Variants in EXD1 observed in about 807,000 individuals in gnomAD.
The protein encoded by EXD1 is exonuclease 3'-5' domain containing 1.
Under a neutral mutation model 49.1 loss-of-function variants are expected in EXD1, and 63 were observed. That is an observed-to-expected ratio of 1.28 (90% CI 1.05 to 1.58). The LOEUF is 1.58. Ranked by LOEUF, EXD1 falls within the 40% of genes most tolerant of loss-of-function variation. EXD1 has a pLI of 0.00. For missense variants in EXD1, 748 were observed against 666.0 expected, an observed-to-expected ratio of 1.12 and a Z score of -1.36; for synonymous variants, 234 against 239.2, an observed-to-expected ratio of 0.98 and a Z score of 0.20.
rs2046989700 is a variant in EXD1, at chr15:41,215,715, A to G, written c.447+60T>C. The G allele has an allele frequency of 2.0e-6, 3 of 1,497,708 alleles. No individual in the cohort carries two copies. The East Asian group carries it at 6.8e-5, about 34-fold the overall frequency. The allele number at this position is 1,497,708 out of a possible 1,614,324, so 92.8% of individuals were successfully genotyped here. ...AAAAAAAGAAAGAAAGAAATTTATG[A>G]CACACAGACATGATACCTACATACA... On this transcript the variant is annotated intron_variant, in intron 6 of 11. Transcript: ENST00000458580.
chr15:41,202,248 C>G (rs1428809220), intron 7 of EXD1, among the ~76,000 whole-genome samples: 1 of 151,842 alleles, frequency 6.6e-6, no homozygotes, highest in Non-Finnish European at 1.5e-5. Flanking sequence ...GATCTCGGCT[C>G]ACTGCAGCCT....
At chr15:41,191,948 C>A in intron 9 of EXD1, 1 of 181,724 alleles carries the variant, frequency 5.5e-6, no homozygotes, top group East Asian at 1.5e-4. Flanking sequence ...GGCTAATTTT[C>A]AACTTTTTTT....
intron 2 of EXD1, among the ~76,000 whole-genome samples, chr15:41,220,195 A>G (rs1415458294): frequency 6.6e-6 from 1 of 152,092 alleles, no homozygotes. Flanking sequence ...CTTTGGGGTT[A>G]AGAACTATCT....
At chr15:41,184,935 C>T (rs551482) in intron 11 of EXD1, among the ~76,000 whole-genome samples, 73,812 of 151,924 alleles carry the variant, frequency 0.49, 19,854 homozygotes, top group East Asian at 0.69. Context: ...GGATTACAGT[C>T]GTGAGCCATA....
chr15:41,209,971 G>A (rs558555531), intron 6 of EXD1, among the ~76,000 whole-genome samples: 19 of 152,080 alleles, frequency 1.2e-4, no homozygotes, highest in Non-Finnish European at 2.4e-4. Flanking sequence ...GCAATGGCAC[G>A]ATCTTGACTT....
chr15:41,195,736 G>T (rs28382348), intron 9 of EXD1, 39 bp downstream of exon 9: 3 of 1,557,872 alleles, frequency 1.9e-6, no homozygotes, highest in Non-Finnish European at 2.6e-6. Context: ...TACAGGAGCT[G>T]TATATACTGG....
At chr15:41,192,629 TTTTG>T (rs1401381870) in intron 9 of EXD1, among the ~76,000 whole-genome samples, 7 of 98,362 alleles carry the variant, frequency 7.1e-5, no homozygotes, top group East Asian at 7.9e-4. Flanking sequence ...TTTTTTTTTT[TTTTG>T]AGATAGGGTC....
chr15:41,206,088 GC>G (rs891013684), intron 7 of EXD1, among the ~76,000 whole-genome samples: 5 of 151,972 alleles, frequency 3.3e-5, no homozygotes, highest in Non-Finnish European at 1.5e-5. Context: ...CAATAAAGGA[GC>G]AAAATCTTTA....
chr15:41,213,975 G>C (rs1566989839), intron 6 of EXD1, among the ~76,000 whole-genome samples: 1 of 152,064 alleles, frequency 6.6e-6, no homozygotes, highest in Non-Finnish European at 1.5e-5. Context: ...TGACCATCCT[G>C]GCTAACACGG....
At chr15:41,193,565 C>A (rs1012415580) in intron 9 of EXD1, among the ~76,000 whole-genome samples, 1 of 151,942 alleles carries the variant, frequency 6.6e-6, no homozygotes, top group Non-Finnish European at 1.5e-5. Flanking sequence ...ATAGAGAGAC[C>A]CCATATCTTA....
intron 2 of EXD1, among the ~76,000 whole-genome samples, chr15:41,223,679 G>A (rs1414280321): frequency 2.0e-5 from 3 of 151,650 alleles, no homozygotes; most frequent in East Asian, 2.0e-4. Flanking sequence ...GGCCAACATA[G>A]TGAAACCACG....
chr15:41,199,747 T>TAATATATAA (rs558589077), intron 7 of EXD1, among the ~76,000 whole-genome samples: 1 of 99,760 alleles, frequency 1.0e-5, no homozygotes, highest in Non-Finnish European at 1.9e-5. Context: ...ATGTCATATA[T>TAATATATAA]TATATATGAT....
chr15:41,202,733 T>A (rs960524907), intron 7 of EXD1, among the ~76,000 whole-genome samples: 28 of 151,974 alleles, frequency 1.8e-4, no homozygotes, highest in African/African-American at 6.5e-4. Flanking sequence ...TCCCAAAGTA[T>A]TGGAATTACA....
chr15:41,198,060 C>T (rs1595434438), intron 7 of EXD1, among the ~76,000 whole-genome samples: 1 of 152,186 alleles, frequency 6.6e-6, no homozygotes, highest in African/African-American at 2.4e-5. Flanking sequence ...AGAAATTTTA[C>T]CAGTCTCATC....
chr15:41,201,170 G>C (rs2046723114), intron 7 of EXD1, among the ~76,000 whole-genome samples: 1 of 152,042 alleles, frequency 6.6e-6, no homozygotes, highest in African/African-American at 2.4e-5. Flanking sequence ...CACTGTGCCT[G>C]GCCAGAATGT....
chr15:41,215,578 C>T (rs748455240), intron 6 of EXD1, among the ~76,000 whole-genome samples, 197 bp downstream of exon 6: 5 of 151,576 alleles, frequency 3.3e-5, no homozygotes, highest in East Asian at 3.9e-4. Context: ...CCCAGCTACA[C>T]GGGAGGCTGA....
At chr15:41,221,249 A>G (rs1294431839) in intron 2 of EXD1, among the ~76,000 whole-genome samples, 1 of 152,136 alleles carries the variant, frequency 6.6e-6, no homozygotes, top group African/African-American at 2.4e-5. Flanking sequence ...ATTTAAATTC[A>G]GGCCTCAGTG....
At chr15:41,223,921 C>T (rs1372027430) in intron 2 of EXD1, among the ~76,000 whole-genome samples, 1 of 152,036 alleles carries the variant, frequency 6.6e-6, no homozygotes, top group African/African-American at 2.4e-5. Flanking sequence ...TGTGGTTTTG[C>T]TATGCTGCCT....
intron 7 of EXD1, among the ~76,000 whole-genome samples, chr15:41,203,916 CAAAAA>C (rs1187093511): frequency 2.2e-4 from 5 of 23,246 alleles, no homozygotes; most frequent in African/African-American, 2.7e-4. Flanking sequence ...GACTTCTCCT[CAAAAA>C]AAAAAAAAAA....
Sources: gnomAD v4.1 joint callset for allele counts (sites outside exome capture counted in the v4.1 genomes callset) on GRCh38, gnomAD v4.1.1 for gene constraint, MANE v1.5 for transcripts, NCBI Gene and HGNC (gene_info 2026-07-23, HGNC 2026-07-21) for gene names.